The following OLAH variants were observed in gnomAD, a reference collection of about 807,000 sequenced individuals.
The protein encoded by OLAH is oleoyl-ACP hydrolase.
Under a neutral mutation model 27.8 loss-of-function variants are expected in OLAH, and 33 were observed. The ratio of observed to expected loss-of-function variants is 1.19; its 90% confidence interval spans 0.90 to 1.59. The LOEUF (loss-of-function observed/expected upper bound fraction) is 1.59, where lower values mean the gene tolerates loss of function less well. Ranked by LOEUF, OLAH falls within the 40% of genes most tolerant of loss-of-function variation. The pLI, the probability that OLAH is intolerant of heterozygous loss-of-function variation, is 0.00. For missense variants in OLAH, 359 were observed against 310.8 expected (o/e 1.16, Z -1.17); for synonymous variants, 120 against 102.9 (o/e 1.17, Z -1.01).
intron 1 of OLAH, among the ~76,000 whole-genome samples, chr10:15,046,893 G>A (rs775441039): frequency 6.6e-6 from 1 of 152,164 alleles, no homozygotes; most frequent in Non-Finnish European, 1.5e-5. Flanking sequence ...CTAGAGTCTG[G>A]AAATGTTGCA....
At chr10:15,046,359 T>A (rs1407809761) in intron 1 of OLAH, among the ~76,000 whole-genome samples, 1 of 145,310 alleles carries the variant, frequency 6.9e-6, no homozygotes, top group African/African-American at 2.6e-5. Context: ...TAAATGACAG[T>A]TCTTTCAGTA....
chr10:15,060,599 G>A (rs1055542032), intron 3 of OLAH, among the ~76,000 whole-genome samples: 2 of 151,852 alleles, frequency 1.3e-5, no homozygotes, highest in Non-Finnish European at 1.5e-5. Context: ...ACATCTCTAC[G>A]AGTTCCATTT....
At chr10:15,056,920 G>A (rs994415061) in intron 3 of OLAH, 76 of 1,523,514 alleles carry the variant, frequency 5.0e-5, no homozygotes, top group Non-Finnish European at 6.3e-5. Flanking sequence ...GTGAGCCACC[G>A]TAGGCGTGAG....
At chr10:15,059,598 G>T (rs1564531767) in intron 3 of OLAH, among the ~76,000 whole-genome samples, 1 of 151,916 alleles carries the variant, frequency 6.6e-6, no homozygotes, top group Non-Finnish European at 1.5e-5. Flanking sequence ...TTGAGGTCAG[G>T]AGTTTGAGAC....
In OLAH at chr10:15,065,565, T is replaced by C. The variant is rs373030287; in HGVS notation, c.403-19T>C. On this transcript the variant is annotated intron_variant, in intron 5 of 7. Transcript: ENST00000378228. ...TGTTATATGAAATATCAGGCCTGTG[T>C]TGTTGTTCATGTTTCAAGTCAAAGG... 5.1e-5 allele frequency: 82 copies of C among 1,600,172 alleles called. No homozygotes were observed. The highest frequency in any genetic ancestry group is 6.8e-5 in the Non-Finnish European group (80 of 1,174,512).
At chr10:15,038,423 C>T (rs1008741426) in intron 1 of OLAH, among the ~76,000 whole-genome samples, 3 of 152,058 alleles carry the variant, frequency 2.0e-5, no homozygotes, top group African/African-American at 7.2e-5. Flanking sequence ...GTATCCCCAC[C>T]GAAATTTCAT....
At chr10:15,052,257 TG>T (rs1844157987) in intron 3 of OLAH, among the ~76,000 whole-genome samples, 1 of 152,132 alleles carries the variant, frequency 6.6e-6, no homozygotes, top group Admixed American at 6.6e-5. Context: ...CACTCCAGCC[TG>T]GGCCACAGAG....
chr10:15,073,371 T>G lies in OLAH; in HGVS notation c.*142T>G, dbSNP rs534927849. 16 of 637,774 alleles carry G rather than the reference T, an allele frequency of 2.5e-5. No individual in the cohort carries two copies. In the South Asian group the frequency reaches 3.4e-4, roughly 13 times the overall value. The allele number at this position is 637,774 out of a possible 1,614,324, so 39.5% of individuals were successfully genotyped here. The stretch of plus-strand genomic sequence containing the variant: ...TTCGTTACATAAATATATTTACGTA[T>G]CTGGGGACAAAGGTCAAGCCAGTAA... On this transcript the variant is annotated 3_prime_UTR_variant, in exon 8 of 8. Coordinates refer to ENST00000378228, the MANE Select transcript of OLAH (RefSeq NM_001039702.3).
At chr10:15,051,130 C>A (rs1181035782) in intron 3 of OLAH, among the ~76,000 whole-genome samples, 1 of 144,400 alleles carries the variant, frequency 6.9e-6, no homozygotes, top group Non-Finnish European at 1.5e-5. Flanking sequence ...GGCTGGAGTG[C>A]GGTGGCATGA....
intron 6 of OLAH, among the ~76,000 whole-genome samples, chr10:15,068,419 C>T (rs2400119): frequency 0.73 from 111,033 of 152,022 alleles, 41,675 homozygotes; most frequent in East Asian, 0.93. Flanking sequence ...TGAGATGGAG[C>T]TTTGCTCTTA....
intron 5 of OLAH, among the ~76,000 whole-genome samples, chr10:15,065,157 G>C (rs774176614): frequency 2.0e-5 from 3 of 152,178 alleles, no homozygotes; most frequent in Non-Finnish European, 4.4e-5. Flanking sequence ...GGTCAGCTGG[G>C]AACTTAACCA....
At chr10:15,060,986 T>C (rs1844351307) in intron 3 of OLAH, among the ~76,000 whole-genome samples, 1 of 152,204 alleles carries the variant, frequency 6.6e-6, no homozygotes, top group Non-Finnish European at 1.5e-5. Flanking sequence ...CATTAGGAGA[T>C]GACTTGTCAT....
At chr10:15,069,920 C>T (rs1844548311) in intron 6 of OLAH, among the ~76,000 whole-genome samples, 1 of 152,216 alleles carries the variant, frequency 6.6e-6, no homozygotes, top group South Asian at 2.1e-4. Flanking sequence ...CCATCTAACA[C>T]ACCGTTCTCA....
Position 15,049,664 on chromosome 10 carries a change from A to G in OLAH, c.62A>G (p.Lys21Arg), listed in dbSNP as rs1399459603. Residue 21 changes from lysine to arginine, a missense_variant, in exon 3 of 8, where the codon AAA (lysine) becomes AGA (arginine). By Grantham distance (26) the Lys-to-Arg change is conservative. Transcript: ENST00000378228. ...GAAAACATTTTCAACTGCTTATACA[A>G]AAACCCTGAGGCAACTTTTAAGCTG... Reference protein sequence around the residue: ...RNENIFNCLYKNPEATFKLIC... With the variant: ...RNENIFNCLYRNPEATFKLIC... The G allele has an allele frequency of 6.2e-7, 1 of 1,602,428 alleles. No homozygotes were observed. The highest frequency in any genetic ancestry group is 2.2e-5 in the East Asian group (1 of 44,740).
chr10:15,065,001 A>G (rs1357407492), intron 5 of OLAH, among the ~76,000 whole-genome samples: 1 of 152,058 alleles, frequency 6.6e-6, no homozygotes, highest in Non-Finnish European at 1.5e-5. Context: ...TTTTGCACCA[A>G]CCTAATACTT....
intron 3 of OLAH, chr10:15,056,935 C>A (rs770856312): frequency 6.7e-6 from 10 of 1,501,918 alleles, no homozygotes; most frequent in Non-Finnish European, 8.9e-6. Flanking sequence ...CGTGAGCCAC[C>A]GTGCCTGGCC....
intron 3 of OLAH, 148 bp downstream of exon 3, chr10:15,049,913 G>A (rs1844100173): frequency 1.4e-6 from 1 of 728,020 alleles, no homozygotes; most frequent in Admixed American, 3.5e-5. Flanking sequence ...TGACTTTTAT[G>A]TTTCTAAAGT....
At chr10:15,041,507 A>T (rs1026974506), upstream of OLAH, among the ~76,000 whole-genome samples, 2 of 151,088 alleles carry the variant, frequency 1.3e-5, no homozygotes, top group Non-Finnish European at 2.9e-5. Context: ...CAAACTCCTG[A>T]CCTCAGGTGA....
chr10:15,034,115 C>CTT (rs1285548864), intron 1 of OLAH, among the ~76,000 whole-genome samples: 7 of 77,866 alleles, frequency 9.0e-5, no homozygotes, highest in Admixed American at 1.2e-4. Context: ...TTTTTTTTTT[C>CTT]TTTTTTTTTT....
Sources: allele counts gnomAD v4.1 joint callset (sites outside exome capture counted in the v4.1 genomes callset), GRCh38; gene constraint gnomAD v4.1.1; transcripts MANE v1.5; gene names NCBI Gene and HGNC (gene_info 2026-07-23, HGNC 2026-07-21).